Variants in MARCHF6 observed in about 807,000 individuals in gnomAD.
MARCHF6 encodes the protein membrane associated ring-CH-type finger 6, also known as E3 ubiquitin-protein ligase MARCHF6.
Under a neutral mutation model 133.7 loss-of-function variants are expected in MARCHF6, and 31 were observed. The ratio of observed to expected loss-of-function variants is 0.23; its 90% CI spans 0.17 to 0.31. The LOEUF (loss-of-function observed/expected upper bound fraction) is 0.31, where lower values mean the gene tolerates loss of function less well. Ranked by LOEUF, MARCHF6 falls within the 10% of genes least tolerant of loss-of-function variation. The pLI, the probability that MARCHF6 is intolerant of heterozygous loss-of-function variation, is 1.00. For synonymous variants in MARCHF6, 395 were observed against 402.5 expected (o/e 0.98, Z 0.22); for missense variants, 723 against 1,121.6 (o/e 0.64, Z 5.08).
At chr5:10,406,080 A>C (rs1339218885) in intron 16 of MARCHF6, among the ~76,000 whole-genome samples, 1 of 152,142 alleles carries the variant, frequency 6.6e-6, no homozygotes, top group Non-Finnish European at 1.5e-5. Flanking sequence ...CGGGAACCCT[A>C]TTGGGAACTG....
chr5:10,383,604 ACT>A (rs748415039), intron 4 of MARCHF6, among the ~76,000 whole-genome samples: 2 of 152,178 alleles, frequency 1.3e-5, no homozygotes, highest in Non-Finnish European at 2.9e-5. Context: ...TCTGCAAATT[ACT>A]CTCAGATTGA....
chr5:10,419,652 G>C (rs1324087229), intron 22 of MARCHF6, among the ~76,000 whole-genome samples: 1 of 150,850 alleles, frequency 6.6e-6, no homozygotes, highest in Non-Finnish European at 1.5e-5. Context: ...AGCAAATAAA[G>C]GTAGAGAGAT....
intron 4 of MARCHF6, 113 bp downstream of exon 4, chr5:10,382,056 A>C: frequency 9.0e-7 from 1 of 1,110,772 alleles, no homozygotes; most frequent in Middle Eastern, 2.0e-4. Context: ...ATTTGATGTC[A>C]GAGTGTCATG....
At chr5:10,429,698 G>T (rs1740273332) in intron 24 of MARCHF6, among the ~76,000 whole-genome samples, 195 bp from the exon 25 acceptor site, 1 of 152,146 alleles carries the variant, frequency 6.6e-6, no homozygotes, top group South Asian at 2.1e-4. Flanking sequence ...ACTATGCCTG[G>T]CCTCCTTGTT....
At chr5:10,359,489 A>G (rs971035643) in intron 1 of MARCHF6, among the ~76,000 whole-genome samples, 2 of 152,244 alleles carry the variant, frequency 1.3e-5, no homozygotes, top group African/African-American at 2.4e-5. Context: ...TACGCAATAC[A>G]TATAATACAG....
chr5:10,390,860 C>G (rs1341388523), intron 6 of MARCHF6, among the ~76,000 whole-genome samples: 1 of 152,016 alleles, frequency 6.6e-6, no homozygotes, highest in Non-Finnish European at 1.5e-5. Context: ...TATTTTCATC[C>G]CTGATGCTGT....
chr5:10,412,357 G>C (rs957932092), intron 19 of MARCHF6, among the ~76,000 whole-genome samples: 2 of 152,170 alleles, frequency 1.3e-5, no homozygotes, highest in Non-Finnish European at 2.9e-5. Flanking sequence ...CTCTCATGCT[G>C]GTGTTTACAG....
At chr5:10,403,638 T>C in intron 15 of MARCHF6, 97 bp downstream of exon 15, 1 of 1,085,516 alleles carries the variant, frequency 9.2e-7, no homozygotes, top group Non-Finnish European at 1.3e-6. Flanking sequence ...ATTTCCTACC[T>C]AAATCATATT....
rs1739392262 is a variant in MARCHF6 at position 10,414,413 on chromosome 5, CCTT to C, written c.1897-19_1897-17del. The stretch of plus-strand genomic sequence containing the variant: ...AGCACGTGTTCTCTATTTATGCACT[CCTT>C]ATGTTTTACTTTGCAGATATTTCTG... On this transcript the variant is annotated splice_polypyrimidine_tract_variant and intron_variant, in intron 19 of 25. Transcript: ENST00000274140. 1 of 1,499,788 alleles carries C rather than the reference CCTT, an allele frequency of 6.7e-7. No individual in the cohort carries two copies. Among genetic ancestry groups the C allele is most frequent in the African/African-American group, 1.4e-5 (1 of 72,596 alleles). 92.9% of individuals were successfully genotyped at this position (1,499,788 alleles called of 1,614,324 possible).
intron 7 of MARCHF6, among the ~76,000 whole-genome samples, chr5:10,392,293 C>G (rs1487345141): frequency 1.3e-5 from 2 of 152,134 alleles, no homozygotes; most frequent in Non-Finnish European, 2.9e-5. Context: ...TAGGAAGAAA[C>G]TATTTTTTAA....
intron 7 of MARCHF6, among the ~76,000 whole-genome samples, chr5:10,392,930 A>G (rs954905520): frequency 1.3e-5 from 2 of 152,194 alleles, no homozygotes; most frequent in African/African-American, 4.8e-5. Flanking sequence ...CACTGAGCAT[A>G]TAACTGTGAC....
In MARCHF6 at chr5:10,436,478, A is replaced by T. The variant is rs955879892; in HGVS notation, c.*2794A>T. ...AGTATTGCTGCCCTTCTTCACATAA[A>T]TTTTTTTTTAAATTATACTATTATT... On this transcript the variant is annotated 3_prime_UTR_variant, in exon 26 of 26. Transcript: ENST00000274140. 14 of 151,708 alleles carry T rather than the reference A, an allele frequency of 9.2e-5. No homozygotes were observed. Among genetic ancestry groups the T allele is most frequent in the Admixed American group, 3.3e-4 (5 of 15,188 alleles). The allele number at this position is 151,708 out of a possible 1,614,324, so 9.4% of individuals were successfully genotyped here. A position where few individuals can be genotyped will look rare whatever the true frequency, so the allele number is the denominator to read the frequency against.
At position 10,407,196 on chromosome 5, in the gene MARCHF6, T is replaced by C. The variant is rs1191343215; in HGVS notation, c.1547T>C (p.Leu516Pro). 6.3e-7 allele frequency: 1 copy of C among 1,594,516 alleles called. No homozygotes were observed. The highest frequency in any genetic ancestry group is 8.6e-7 in the Non-Finnish European group (1 of 1,166,368). The change falls in exon 17 of 26, where the codon CTC (leucine) becomes CCC (proline). Residue 516 changes from leucine to proline, a missense_variant. Leu to Pro is a moderately conservative substitution (Grantham distance 98). Transcript: ENST00000274140. ...AATTTTCTTCCATACAATGTCATGC[T>C]CTACAGGTAAGTTTTAAAAATTTAG... ...LPNFLPYNVM[L>P]YSDAPVSELS... is the part of the protein sequence containing the mutation.
chr5:10,377,948 A>G lies in MARCHF6; in HGVS notation c.116+54A>G, dbSNP rs376032503. On this transcript the variant is annotated intron_variant, in intron 2 of 25. Coordinates refer to ENST00000274140, the MANE Select transcript of MARCHF6 (RefSeq NM_005885.4). ...AGTCTGAGCTTCAGTTTCGTCATGT[A>G]TACAGTAACAGGGATCATTTCAATG... 157 of 985,856 alleles carry G rather than the reference A, an allele frequency of 1.6e-4. No homozygotes were observed. In the Middle Eastern group the frequency reaches 3.9e-3, roughly 24 times the overall value. 61.1% of individuals were successfully genotyped at this position (985,856 alleles called of 1,614,324 possible).
At chr5:10,382,314 G>C (rs1041061147) in intron 4 of MARCHF6, among the ~76,000 whole-genome samples, 1 of 152,114 alleles carries the variant, frequency 6.6e-6, no homozygotes. Context: ...GGAGGCCGAG[G>C]CAGGCGGATC....
At chr5:10,380,926 C>CA (rs200519303) in intron 3 of MARCHF6, among the ~76,000 whole-genome samples, 9,322 of 98,248 alleles carry the variant, frequency 0.095, 379 homozygotes, top group Non-Finnish European at 0.13. Flanking sequence ...GACTCTGACT[C>CA]AAAAAAAAAA....
intron 20 of MARCHF6, 84 bp from the exon 21 acceptor site, chr5:10,415,404 G>A (rs898278198): frequency 1.6e-5 from 20 of 1,251,832 alleles, no homozygotes; most frequent in Non-Finnish European, 2.1e-5. Flanking sequence ...TTTTCCTAAT[G>A]TGAAAATACT....
At chr5:10,427,844 G>A (rs1157949234) in intron 24 of MARCHF6, among the ~76,000 whole-genome samples, 1 of 152,122 alleles carries the variant, frequency 6.6e-6, no homozygotes, top group Non-Finnish European at 1.5e-5. Context: ...TGAGGTGGGA[G>A]GTTGCTTGAA....
chr5:10,423,883 C>T, intron 23 of MARCHF6, 59 bp downstream of exon 23: 1 of 1,266,630 alleles, frequency 7.9e-7, no homozygotes, highest in Non-Finnish European at 1.1e-6. Context: ...TTATGTTTGG[C>T]AGCTATAACT....
Sources: gnomAD v4.1 joint callset for allele counts (sites outside exome capture counted in the v4.1 genomes callset) on GRCh38, gnomAD v4.1.1 for gene constraint, MANE v1.5 for transcripts, NCBI Gene and HGNC (gene_info 2026-07-23, HGNC 2026-07-21) for gene names.